Variants in TUBA1C observed in about 807,000 individuals in gnomAD.
TUBA1C encodes tubulin alpha-1C chain.
TUBA1C carries 16 observed loss-of-function variants against 34.9 expected under a neutral mutation model. The ratio of observed to expected loss-of-function variants is 0.46; its 90% CI spans 0.31 to 0.70. The LOEUF (loss-of-function observed/expected upper bound fraction) is 0.70, where lower values mean the gene tolerates loss of function less well. TUBA1C is among the 30% of genes least tolerant of loss of function. The pLI is 0.05. For synonymous variants in TUBA1C, 177 were observed against 215.9 expected (o/e 0.82, Z 1.58); for missense variants, 329 against 587.3 (o/e 0.56, Z 4.55).
chr12:49,236,535 C>G (rs944378185), intron 1 of TUBA1C, among the ~76,000 whole-genome samples: 26 of 152,322 alleles, frequency 1.7e-4, no homozygotes, highest in Admixed American at 1.1e-3. Flanking sequence ...GTAGCTTTAT[C>G]AACAGTATAG....
At chr12:49,257,980 T>C in intron 1 of TUBA1C, 1 of 161,836 alleles carries the variant, frequency 6.2e-6, no homozygotes, top group South Asian at 1.1e-4. Context: ...TGCCTCAGCC[T>C]CCCAAGTAGC....
chr12:49,251,139 G>C (rs1942728190), intron 1 of TUBA1C, among the ~76,000 whole-genome samples: 1 of 152,146 alleles, frequency 6.6e-6, no homozygotes, highest in Non-Finnish European at 1.5e-5. Flanking sequence ...CCAGGGAGGT[G>C]GAGGTGTCAG....
intron 1 of TUBA1C, among the ~76,000 whole-genome samples, chr12:49,229,707 T>C (rs946037230): frequency 4.6e-5 from 7 of 151,914 alleles, no homozygotes; most frequent in African/African-American, 1.5e-4. Context: ...GCACATCACA[T>C]TGTTTTGTGT....
exon 1 of TUBA1C, chr12:49,228,128 T>G: frequency 6.5e-7 from 1 of 1,535,690 alleles, no homozygotes; most frequent in Non-Finnish European, 8.7e-7. Flanking sequence ...CACATGCACA[T>G]CCAGCAAAAG....
Position 49,273,344 on chromosome 12 carries a change from G to A in TUBA1C, c.*117G>A, listed in dbSNP as rs772450759. The A allele has an allele frequency of 2.5e-5, 39 of 1,578,802 alleles. 1 individual carries two copies. In the South Asian group the frequency reaches 4.1e-4, roughly 17 times the overall value. On this transcript the variant is annotated 3_prime_UTR_variant, in exon 4 of 4. Transcript: ENST00000301072. Reference sequence around the variant, plus strand: ...AAGTTTCCATTTTAAATGTCGAGCTGACTTAAATACTTGATCCAGTTAAAG... The same window carrying A: ...AAGTTTCCATTTTAAATGTCGAGCTAACTTAAATACTTGATCCAGTTAAAG...
intron 1 of TUBA1C, among the ~76,000 whole-genome samples, chr12:49,255,012 T>C (rs1942769290): frequency 6.6e-6 from 1 of 152,090 alleles, no homozygotes; most frequent in East Asian, 1.9e-4. Flanking sequence ...CTCAAACTCC[T>C]GAGCTCAAGT....
At chr12:49,270,497 G>A (rs553642773) in intron 3 of TUBA1C, among the ~76,000 whole-genome samples, 11 of 152,356 alleles carry the variant, frequency 7.2e-5, no homozygotes, top group Non-Finnish European at 1.3e-4. Context: ...TGGGCAGCTT[G>A]TAAGTAATTA....
upstream of TUBA1C, among the ~76,000 whole-genome samples, chr12:49,260,482 G>GTC (rs1376008372): frequency 6.6e-6 from 1 of 152,200 alleles, no homozygotes; most frequent in African/African-American, 2.4e-5. Context: ...CACATACTAA[G>GTC]CCCTGCCAAA....
intron 1 of TUBA1C, among the ~76,000 whole-genome samples, chr12:49,256,056 A>C (rs1335276460): frequency 1.3e-5 from 2 of 152,176 alleles, no homozygotes; most frequent in Non-Finnish European, 2.9e-5. Flanking sequence ...AGTGAGCTAC[A>C]GTGGTGCCAC....
chr12:49,273,546 A>C lies in TUBA1C; in HGVS notation c.*319A>C, dbSNP rs1317288259. 1 of 400,076 alleles carries C rather than the reference A, an allele frequency of 2.5e-6. No homozygotes were observed. The highest frequency in any genetic ancestry group is 4.7e-6 in the Non-Finnish European group (1 of 213,112). 24.8% of individuals were successfully genotyped at this position (400,076 alleles called of 1,614,324 possible). A position where few individuals can be genotyped will look rare whatever the true frequency, so the allele number is the denominator to read the frequency against. ...CTGGGGACTGCAGGTGCACACCACC[A>C]TGCCCAGCTATTTTTATTTCTTGTA... On this transcript the variant is annotated 3_prime_UTR_variant, in exon 4 of 4. Coordinates refer to ENST00000301072, the MANE Select transcript of TUBA1C (RefSeq NM_032704.5).
Position 49,273,109 on chromosome 12 carries a change from A to G in TUBA1C, c.1232A>G (p.Glu411Gly). ...KRAFVHWYVGEGMEEGEFSEA... is the reference protein window; with the variant it reads ...KRAFVHWYVGGGMEEGEFSEA... ...GCCTTTGTTCACTGGTACGTGGGTG[A>G]GGGGATGGAGGAAGGCGAGTTTTCA... The change falls in exon 4 of 4, where the codon GAG becomes GGG. Residue 411 changes from glutamate (E) to glycine (G), a missense_variant. Coordinates refer to ENST00000301072, the MANE Select transcript of TUBA1C (RefSeq NM_032704.5). The G allele has an allele frequency of 6.2e-7, 1 of 1,614,140 alleles. No homozygotes were observed. The highest frequency in any genetic ancestry group is 8.5e-7 in the Non-Finnish European group (1 of 1,180,024).
At chr12:49,246,653 C>T (rs1010136975) in intron 1 of TUBA1C, among the ~76,000 whole-genome samples, 2 of 149,966 alleles carry the variant, frequency 1.3e-5, no homozygotes, top group African/African-American at 2.5e-5. Context: ...CTAGCCTGGG[C>T]GAAGAGCCCG....
At chr12:49,244,191 G>A (rs1043146831) in intron 1 of TUBA1C, among the ~76,000 whole-genome samples, 20 of 151,092 alleles carry the variant, frequency 1.3e-4, no homozygotes, top group African/African-American at 4.6e-4. Flanking sequence ...TTTAAAACAT[G>A]TATTGCCTGC....
chr12:49,246,291 A>G (rs1386127828), intron 1 of TUBA1C, among the ~76,000 whole-genome samples: 3 of 152,014 alleles, frequency 2.0e-5, no homozygotes, highest in Non-Finnish European at 2.9e-5. Flanking sequence ...TAATTGCCAC[A>G]TACTTCTGCC....
intron 1 of TUBA1C, among the ~76,000 whole-genome samples, chr12:49,243,477 G>T (rs539159614): frequency 1.8e-4 from 28 of 152,106 alleles, no homozygotes; most frequent in Non-Finnish European, 3.4e-4. Flanking sequence ...CCCTGTGAGT[G>T]CTTCTTACTT....
Position 49,274,128 on chromosome 12 carries a change from T to TG in TUBA1C, c.*901_*902insG. ...GGTGAGGCTTCAGACACGTCTTAAA[T>TG]TTTTTTTCTTTGAGATGGTCTCTTT... On this transcript the variant is annotated 3_prime_UTR_variant, in exon 4 of 4. Coordinates refer to ENST00000301072, the MANE Select transcript of TUBA1C (RefSeq NM_032704.5). The TG allele has an allele frequency of 6.6e-6, 1 of 151,840 alleles. No homozygotes were observed. Among genetic ancestry groups the TG allele is most frequent in the East Asian group, 1.9e-4 (1 of 5,158 alleles). 9.4% of individuals were successfully genotyped at this position (151,840 alleles called of 1,614,324 possible). A position where few individuals can be genotyped will look rare whatever the true frequency, so the allele number is the denominator to read the frequency against.
upstream of TUBA1C, among the ~76,000 whole-genome samples, chr12:49,262,641 A>G (rs1013129638): frequency 1.3e-5 from 2 of 151,948 alleles, no homozygotes; most frequent in African/African-American, 4.8e-5. Flanking sequence ...TTAGCTGGGC[A>G]TGGTGGCACA....
upstream of TUBA1C, chr12:49,264,511 C>G (rs932420613): frequency 6.6e-6 from 1 of 152,094 alleles, no homozygotes; most frequent in Non-Finnish European, 1.5e-5. Flanking sequence ...TGCCCGGCAG[C>G]CAGGACTCCG....
intron 1 of TUBA1C, among the ~76,000 whole-genome samples, chr12:49,247,151 A>G (rs1175727771): frequency 6.6e-6 from 1 of 151,762 alleles, no homozygotes; most frequent in African/African-American, 2.4e-5. Flanking sequence ...AAAAAAAAAA[A>G]GAAAGAAAAA....
Sources: allele counts gnomAD v4.1 joint callset (sites outside exome capture counted in the v4.1 genomes callset), GRCh38; gene constraint gnomAD v4.1.1; transcripts MANE v1.5; gene names NCBI Gene and HGNC (gene_info 2026-07-23, HGNC 2026-07-21).